NHSL2: variants seen among roughly 807,000 people sequenced by gnomAD.
NHSL2 encodes NHS like 2, also known as NHS-like protein 2.
Under a neutral mutation model 53.4 loss-of-function variants are expected in NHSL2, and 27 were observed. The observed-to-expected ratio is 0.51, with a 90% confidence interval of 0.37 to 0.70. The LOEUF (loss-of-function observed/expected upper bound fraction) is 0.70. Ranked by LOEUF, NHSL2 falls within the 30% of genes least tolerant of loss-of-function variation. The pLI is 0.00. For synonymous variants in NHSL2, 408 were observed against 404.1 expected (o/e 1.01, Z -0.12); for missense variants, 892 against 980.1 (o/e 0.91, Z 1.20).
intron 1 of NHSL2, among the ~76,000 whole-genome samples, chrX:71,962,609 C>A (rs1216753496): frequency 3.0e-5 from 3 of 99,445 alleles, no homozygotes; most frequent in African/African-American, 1.1e-4. Context: ...TAGCAATGTC[C>A]CCACTTTCAT....
chrX:71,996,713 C>G (rs1408826228), intron 1 of NHSL2, among the ~76,000 whole-genome samples: 1 of 112,531 alleles, frequency 8.9e-6, no homozygotes, highest in Non-Finnish European at 1.9e-5. Flanking sequence ...CCTCTTCCCC[C>G]ATGCAGGAGT....
chrX:72,131,369 C>G (rs2042297572), intron 1 of NHSL2: 1 of 1,208,000 alleles, frequency 8.3e-7, no homozygotes, highest in Admixed American at 2.2e-5. Context: ...ACTATGGGTA[C>G]TGGCCAGCGG....
chrX:71,950,851 G>A (rs2041817224), intron 1 of NHSL2, among the ~76,000 whole-genome samples: 1 of 111,797 alleles, frequency 8.9e-6, no homozygotes, highest in African/African-American at 3.3e-5. Flanking sequence ...GTAGCAGCCT[G>A]TAGCTGTGAT....
intron 1 of NHSL2, among the ~76,000 whole-genome samples, chrX:72,096,193 C>T (rs542212291): frequency 2.9e-4 from 32 of 111,364 alleles, no homozygotes; most frequent in African/African-American, 9.5e-4. Flanking sequence ...CTTCTGCCTG[C>T]AATAGTGGCT....
intron 1 of NHSL2, among the ~76,000 whole-genome samples, chrX:72,101,554 G>A (rs1018239736): frequency 9.1e-6 from 1 of 110,345 alleles, no homozygotes; most frequent in Non-Finnish European, 1.9e-5. Flanking sequence ...AGTTCTAAAC[G>A]AGCCCTCCCC....
Position 72,021,072 on chromosome X carries a change from C to T in NHSL2, c.280+109705C>T, listed in dbSNP as rs200564287. ...ACACGCGTGCGCATACACACACACACACACACACACACACACAAATATTGA... is the reference window on the plus strand; with the variant it reads ...ACACGCGTGCGCATACACACACACATACACACACACACACACAAATATTGA... On this transcript the variant is annotated intron_variant, in intron 1 of 7. Transcript: ENST00000633930. Among the ~76,000 whole-genome samples, 7 of 19,515 alleles carry T rather than the reference C, an allele frequency of 3.6e-4. No homozygotes were observed. The Non-Finnish European group carries it at 0.016, about 43-fold the overall frequency. 16.9% of individuals were successfully genotyped at this position (19,515 alleles called of 115,157 possible). A position where few individuals can be genotyped will look rare whatever the true frequency, so the allele number is the denominator to read the frequency against.
intron 1 of NHSL2, among the ~76,000 whole-genome samples, chrX:72,081,516 C>A (rs1052414479): frequency 2.7e-5 from 3 of 111,966 alleles, no homozygotes; most frequent in Admixed American, 1.9e-4. Flanking sequence ...AGGCCCAACA[C>A]CCCCCTGACC....
chrX:71,977,329 C>T (rs1360991975), intron 1 of NHSL2, among the ~76,000 whole-genome samples: 2 of 111,884 alleles, frequency 1.8e-5, no homozygotes, highest in African/African-American at 3.2e-5. Flanking sequence ...GCTCTCAGAA[C>T]ATTGCCTCAC....
intron 1 of NHSL2, among the ~76,000 whole-genome samples, chrX:71,970,426 G>A (rs2147858300): frequency 8.9e-6 from 1 of 111,803 alleles, no homozygotes; most frequent in African/African-American, 3.2e-5. Flanking sequence ...AAGTCTATTC[G>A]GATTTTCTAT....
chrX:71,970,126 C>A (rs932467601), intron 1 of NHSL2, among the ~76,000 whole-genome samples: 4 of 111,630 alleles, frequency 3.6e-5, no homozygotes, highest in Non-Finnish European at 7.5e-5. Flanking sequence ...CATGTATAAT[C>A]TTTTTTATAT....
intron 1 of NHSL2, among the ~76,000 whole-genome samples, chrX:71,988,300 G>C (rs1367980541): frequency 9.0e-6 from 1 of 111,524 alleles, no homozygotes; most frequent in Non-Finnish European, 1.9e-5. Context: ...TCCCCCTTTA[G>C]GGAGGAAAAA....
In NHSL2 at chrX:72,132,062, ACT is replaced by A. The variant is rs1249215394; in HGVS notation, c.281-11_281-10del. ...TCCAGCTCGCCTGCGCCTCTCACTG[ACT>A]CTCTCCTTCCCTAGCTGCAGCTAAC... On this transcript the variant is annotated splice_polypyrimidine_tract_variant and intron_variant, in intron 1 of 7. Coordinates refer to ENST00000633930, the MANE Select transcript of NHSL2 (RefSeq NM_001013627.3). 1.6e-5 allele frequency: 19 copies of A among 1,161,774 alleles called. No individual in the cohort carries two copies. Among genetic ancestry groups the A allele is most frequent in the South Asian group, 1.9e-5 (1 of 52,151 alleles).
intron 1 of NHSL2, chrX:72,044,779 A>G (rs1478141438): frequency 5.7e-6 from 6 of 1,052,135 alleles, no homozygotes; most frequent in Non-Finnish European, 7.9e-6. Flanking sequence ...GAGTTGTGCA[A>G]TTCACAGCAA....
In NHSL2 at chrX:72,040,954, A is replaced by G. The variant is rs181500479; in HGVS notation, c.281-91125A>G. On this transcript the variant is annotated intron_variant, in intron 1 of 7. Transcript: ENST00000633930. ...ACACATAATTTAGAAGCAGAAACAG[A>G]CATATAAACACATAATTATAATGCA... Among the ~76,000 whole-genome samples, 4 of 112,205 alleles carry G rather than the reference A, an allele frequency of 3.6e-5. No individual in the cohort carries two copies. In the East Asian group the frequency reaches 1.1e-3, roughly 31 times the overall value.
rs1404160169 is a variant in NHSL2, at chrX:71,911,293, A to C, written c.206A>C (p.Tyr69Ser). The change falls in exon 1 of 8, where the codon TAC (tyrosine) becomes TCC (serine). Residue 69 changes from tyrosine to serine, a missense_variant. Transcript: ENST00000633930. Reference sequence around the variant, plus strand: ...CTGGGGCGCCGCACAGACAGCCTGTACCGGCGCACCGTGCGCCTCCGCCGC... The same window carrying C: ...CTGGGGCGCCGCACAGACAGCCTGTCCCGGCGCACCGTGCGCCTCCGCCGC... The part of the protein sequence containing the change: ...LALGRRTDSL[Y>S]RRTVRLRRRL... The C allele has an allele frequency of 8.8e-7, 1 of 1,130,748 alleles. No individual in the cohort carries two copies. Among genetic ancestry groups the C allele is most frequent in the African/African-American group, 1.8e-5 (1 of 54,626 alleles). The allele number at this position is 1,130,748 out of a possible 1,213,427, so 93.2% of individuals were successfully genotyped here.
intron 1 of NHSL2, among the ~76,000 whole-genome samples, chrX:71,946,195 G>A (rs1228599183): frequency 3.6e-5 from 4 of 111,952 alleles, no homozygotes; most frequent in African/African-American, 6.5e-5. Context: ...ACAGACAGGA[G>A]CAGGAGGCAG....
At chrX:71,959,255 C>T (rs2041857004) in intron 1 of NHSL2, among the ~76,000 whole-genome samples, 1 of 112,034 alleles carries the variant, frequency 8.9e-6, no homozygotes, top group Non-Finnish European at 1.9e-5. Flanking sequence ...CACAGCCTGT[C>T]GGCTCTGTTC....
Position 71,978,328 on chromosome X carries a change from C to T in NHSL2, c.280+66961C>T, listed in dbSNP as rs1602290402. On this transcript the variant is annotated intron_variant, in intron 1 of 7. Transcript: ENST00000633930. Reference sequence around the variant, plus strand: ...AGGGAATCTTGGACTGCCGTCATATCCCTCCCTTGGACCTGCCAACCCCTG... The same window carrying T: ...AGGGAATCTTGGACTGCCGTCATATTCCTCCCTTGGACCTGCCAACCCCTG... Among the ~76,000 whole-genome samples the T allele has an allele frequency of 4.5e-5, 5 of 112,228 alleles. No homozygotes were observed. The South Asian group carries it at 1.5e-3, about 34-fold the overall frequency.
intron 1 of NHSL2, among the ~76,000 whole-genome samples, chrX:72,112,476 T>C (rs1184723866): frequency 8.9e-6 from 1 of 111,783 alleles, no homozygotes; most frequent in Non-Finnish European, 1.9e-5. Flanking sequence ...AAGGAGACCT[T>C]TTTCTCATTA....
Sources: allele counts gnomAD v4.1 joint callset (sites outside exome capture counted in the v4.1 genomes callset), GRCh38; gene constraint gnomAD v4.1.1; transcripts MANE v1.5; gene names NCBI Gene and HGNC (gene_info 2026-07-23, HGNC 2026-07-21).